MAGI1: variants seen among roughly 807,000 people sequenced by gnomAD.
MAGI1 encodes the protein membrane-associated guanylate kinase, WW and PDZ domain-containing protein 1.
MAGI1 carries 58 observed loss-of-function variants against 139.9 expected under a neutral mutation model. The ratio of observed to expected loss-of-function variants is 0.41; its 90% CI spans 0.34 to 0.52. MAGI1 has a LOEUF of 0.52. MAGI1 is among the 20% of genes least tolerant of loss of function. MAGI1 has a pLI of 0.12. For synonymous variants in MAGI1, 812 were observed against 737.9 expected (o/e 1.10, Z -1.63); for missense variants, 1,874 against 1,901.6 (o/e 0.99, Z 0.27).
chr3:65,449,095 T>G (rs1382506869), intron 6 of MAGI1, among the ~76,000 whole-genome samples: 1 of 127,380 alleles, frequency 7.9e-6, no homozygotes, highest in Non-Finnish European at 1.6e-5. Flanking sequence ...AACATGGGCC[T>G]AGACACCTTG....
intron 2 of MAGI1, among the ~76,000 whole-genome samples, chr3:65,619,330 G>C (rs760125947): frequency 1.3e-4 from 20 of 152,148 alleles, no homozygotes; most frequent in Admixed American, 6.5e-5. Context: ...GTGGTAAAGT[G>C]TGCTATGATG....
intron 1 of MAGI1, among the ~76,000 whole-genome samples, chr3:65,976,273 C>A (rs926275268): frequency 1.3e-5 from 2 of 152,142 alleles, no homozygotes; most frequent in African/African-American, 2.4e-5. Context: ...TATATATAGC[C>A]ATTTTTTAAA....
At chr3:65,764,377 C>T (rs1398496052) in intron 1 of MAGI1, among the ~76,000 whole-genome samples, 2 of 152,192 alleles carry the variant, frequency 1.3e-5, no homozygotes, top group East Asian at 3.9e-4. Flanking sequence ...CCCCTCTCCC[C>T]CACTATTCAA....
At chr3:65,695,373 G>A (rs2089074233) in intron 1 of MAGI1, among the ~76,000 whole-genome samples, 1 of 152,312 alleles carries the variant, frequency 6.6e-6, no homozygotes, top group East Asian at 1.9e-4. Context: ...TATGGAAGCA[G>A]ATCATAAGGA....
At chr3:65,360,938 T>C (rs1255395423) in intron 22 of MAGI1, 2 of 1,407,014 alleles carry the variant, frequency 1.4e-6, no homozygotes, top group African/African-American at 2.9e-5. Context: ...TTGGTCGGAC[T>C]AGACAAAACG....
chr3:65,719,557 T>A (rs1222215545), intron 1 of MAGI1, among the ~76,000 whole-genome samples: 1 of 151,876 alleles, frequency 6.6e-6, no homozygotes, highest in Non-Finnish European at 1.5e-5. Context: ...TCTTTTTTTT[T>A]TTTTTTGAAA....
intron 1 of MAGI1, among the ~76,000 whole-genome samples, chr3:65,931,832 A>T (rs1251248926): frequency 6.6e-6 from 1 of 152,236 alleles, no homozygotes. Flanking sequence ...TTGGAAACCA[A>T]TGAAAATCAC....
chr3:65,616,918 G>C (rs751150307), intron 2 of MAGI1, among the ~76,000 whole-genome samples: 1 of 152,204 alleles, frequency 6.6e-6, no homozygotes, highest in Non-Finnish European at 1.5e-5. Context: ...AAAAGTGGTT[G>C]ATTTTAGGCA....
chr3:65,803,231 A>ATAT (rs1449569881), intron 1 of MAGI1, among the ~76,000 whole-genome samples: 2 of 152,196 alleles, frequency 1.3e-5, no homozygotes, highest in African/African-American at 4.8e-5. Context: ...GAATCCTGCG[A>ATAT]TATTATAACA....
chr3:65,699,995 AACCC>A (rs1370566060), intron 1 of MAGI1, among the ~76,000 whole-genome samples: 1 of 152,154 alleles, frequency 6.6e-6, no homozygotes, highest in Non-Finnish European at 1.5e-5. Context: ...TACTTTCACA[AACCC>A]TCCAAAGCAC....
chr3:65,655,910 G>A (rs1298993805), intron 1 of MAGI1, among the ~76,000 whole-genome samples: 5 of 152,176 alleles, frequency 3.3e-5, no homozygotes, highest in African/African-American at 1.2e-4. Flanking sequence ...TGTGTGAGAA[G>A]TCATGTTATT....
At chr3:65,453,172 G>GGCT in intron 6 of MAGI1, 86 bp downstream of exon 6, 2 of 1,168,916 alleles carry the variant, frequency 1.7e-6, no homozygotes, top group Non-Finnish European at 2.6e-6. Flanking sequence ...CATAAGACCC[G>GGCT]ACTGACCTGG....
At chr3:65,951,019 GGAAGGAAGGAAGGA>G (rs1560047174) in intron 1 of MAGI1, among the ~76,000 whole-genome samples, 2 of 116,624 alleles carry the variant, frequency 1.7e-5, no homozygotes, top group Non-Finnish European at 3.9e-5. Context: ...AAGGAAGGAA[GGAAGGAAGGAAGGA>G]AGGAAAGGAG....
chr3:65,473,318 A>C (rs1255238270), intron 4 of MAGI1, among the ~76,000 whole-genome samples: 2 of 152,146 alleles, frequency 1.3e-5, no homozygotes, highest in Non-Finnish European at 2.9e-5. Flanking sequence ...TTCTGAGCAC[A>C]TATTTCTCGA....
chr3:65,502,815 A>G (rs550687098), intron 2 of MAGI1, among the ~76,000 whole-genome samples: 1 of 152,188 alleles, frequency 6.6e-6, no homozygotes, highest in Non-Finnish European at 1.5e-5. Context: ...TGAAGCAGAA[A>G]CAATTCCAAT....
At chr3:65,737,738 G>C (rs1294694054) in intron 1 of MAGI1, among the ~76,000 whole-genome samples, 1 of 152,142 alleles carries the variant, frequency 6.6e-6, no homozygotes, top group East Asian at 1.9e-4. Context: ...ACCAATGAAA[G>C]ATTTTAAATG....
chr3:65,742,616 A>C (rs993813912), intron 1 of MAGI1, among the ~76,000 whole-genome samples: 3 of 152,200 alleles, frequency 2.0e-5, no homozygotes, highest in Non-Finnish European at 4.4e-5. Flanking sequence ...TGCATTCCCC[A>C]GTGTCTGCTG....
chr3:65,575,950 G>T (rs2081156084), intron 2 of MAGI1, among the ~76,000 whole-genome samples: 1 of 152,110 alleles, frequency 6.6e-6, no homozygotes, highest in South Asian at 2.1e-4. Context: ...GGACATTTTT[G>T]GGGGAGCTAA....
At chr3:65,910,855 C>CTTTTTTTTTTGTTTTTTTT (rs2061635050) in intron 1 of MAGI1, among the ~76,000 whole-genome samples, 1 of 59,484 alleles carries the variant, frequency 1.7e-5, no homozygotes, top group Admixed American at 3.1e-4. Context: ...ACATGGTGGA[C>CTTTTTTTTTTGTTTTTTTT]TTTTTTTTTT....
Sources: allele counts gnomAD v4.1 joint callset (sites outside exome capture counted in the v4.1 genomes callset), GRCh38; gene constraint gnomAD v4.1.1; transcripts MANE v1.5; gene names NCBI Gene and HGNC (gene_info 2026-07-23, HGNC 2026-07-21).